HSPH1: variants seen among roughly 807,000 people sequenced by gnomAD.
HSPH1 encodes the protein heat shock protein 105 kDa.
HSPH1 carries 40 observed loss-of-function variants against 100.0 expected under a neutral mutation model. The ratio of observed to expected loss-of-function variants is 0.40; its 90% CI spans 0.31 to 0.52. The LOEUF (loss-of-function observed/expected upper bound fraction) is 0.52. HSPH1 is among the 20% of genes least tolerant of loss of function. HSPH1 has a pLI of 0.54. For missense variants in HSPH1, 876 were observed against 1,015.1 expected (o/e 0.86, Z 1.86); for synonymous variants, 403 against 344.0 (o/e 1.17, Z -1.90).
chr13:31,161,919 C>A, upstream of HSPH1: 6 of 1,516,342 alleles, frequency 4.0e-6, no homozygotes, highest in Non-Finnish European at 5.3e-6. Context: ...GGGGAGGTCC[C>A]ACTTCCTCAG....
Position 31,137,069 on chromosome 13 carries a change from G to A in HSPH1, c.*249C>T, listed in dbSNP as rs992450009. On this transcript the variant is annotated 3_prime_UTR_variant, in exon 18 of 18. Transcript: ENST00000320027. ...CAGTTTCATCCTCAGTGATGCAAATGGTGAGACTGCACAGAAAGCTTAGTA... is the reference window on the plus strand; with the variant it reads ...CAGTTTCATCCTCAGTGATGCAAATAGTGAGACTGCACAGAAAGCTTAGTA... The A allele has an allele frequency of 1.4e-5, 9 of 645,316 alleles. No individual in the cohort carries two copies. Among genetic ancestry groups the A allele is most frequent in the Middle Eastern group, 2.6e-4 (1 of 3,820 alleles). The allele number at this position is 645,316 out of a possible 1,614,324, so 40.0% of individuals were successfully genotyped here. A position where few individuals can be genotyped will look rare whatever the true frequency, so the allele number is the denominator to read the frequency against.
intron 1 of HSPH1, among the ~76,000 whole-genome samples, chr13:31,160,461 A>G (rs1956856547): frequency 6.6e-6 from 1 of 152,174 alleles, no homozygotes; most frequent in Non-Finnish European, 1.5e-5. Flanking sequence ...TTCATTTTGC[A>G]CTTTTCATCC....
intron 17 of HSPH1, among the ~76,000 whole-genome samples, chr13:31,137,773 A>G (rs1299873892): frequency 6.6e-6 from 1 of 152,172 alleles, no homozygotes; most frequent in Non-Finnish European, 1.5e-5. Context: ...AACAGTGTTA[A>G]AAGACAGAAA....
chr13:31,155,004 A>G (rs776494059), intron 3 of HSPH1, among the ~76,000 whole-genome samples: 15 of 152,216 alleles, frequency 9.9e-5, no homozygotes, highest in Non-Finnish European at 1.6e-4. Flanking sequence ...AGCGGAAGAA[A>G]GCTAGGGCAG....
Position 31,155,516 on chromosome 13 carries a change from T to C in HSPH1, c.304A>G (p.Lys102Glu). 1 of 1,608,866 alleles carries C rather than the reference T, an allele frequency of 6.2e-7. No homozygotes were observed. Reference protein sequence around the residue: ...VPLKNGGVGIKVMYMGEEHLF... With the variant: ...VPLKNGGVGIEVMYMGEEHLF... The stretch of plus-strand genomic sequence containing the variant: ...CTAAGGTTGCTCAATTATATTACCT[T>C]TATTCCAACTCCACCATTTTTCAAT... Residue 102 changes from lysine to glutamate, a missense_variant and splice_region_variant, in exon 3 of 18, where the codon AAG becomes GAG. Coordinates refer to ENST00000320027, the MANE Select transcript of HSPH1 (RefSeq NM_006644.4).
At position 31,141,177 on chromosome 13, in the gene HSPH1, G is replaced by A; in HGVS notation, c.1799C>T (p.Ala600Val). Residue 600 changes from alanine (A) to valine (V), a missense_variant, in exon 13 of 18, where the codon GCC becomes GTC. Ala to Val is a moderately conservative substitution (Grantham distance 64, BLOSUM62 0). Coordinates refer to ENST00000320027, the MANE Select transcript of HSPH1 (RefSeq NM_006644.4). ...KVVNVELPIEANLVWQLGKDL... is the reference protein window; with the variant it reads ...KVVNVELPIEVNLVWQLGKDL... ...TTTCCCTAACTGCCAGACCAAGTTG[G>A]CTTCAATAGGCAGCTCAACATTCAC... The A allele has an allele frequency of 6.2e-7, 1 of 1,608,658 alleles. No homozygotes were observed. The highest frequency in any genetic ancestry group is 1.1e-5 in the South Asian group (1 of 90,162).
intron 2 of HSPH1, 89 bp downstream of exon 2, chr13:31,158,717 C>A: frequency 2.5e-6 from 2 of 798,428 alleles, no homozygotes; most frequent in Non-Finnish European, 2.2e-6. Context: ...TAAACTTAGG[C>A]ACACTTTACC....
intron 10 of HSPH1, among the ~76,000 whole-genome samples, chr13:31,147,447 G>A (rs1466547218): frequency 6.6e-6 from 1 of 151,974 alleles, no homozygotes; most frequent in Non-Finnish European, 1.5e-5. Flanking sequence ...GAGTTACTAT[G>A]GGTAAAAGTA....
intron 4 of HSPH1, among the ~76,000 whole-genome samples, chr13:31,153,608 G>A (rs531410042): frequency 2.0e-5 from 3 of 152,230 alleles, no homozygotes; most frequent in East Asian, 3.9e-4. Flanking sequence ...CAGCACTTCA[G>A]GATACTATTC....
chr13:31,143,349 A>G (rs1055257447), intron 12 of HSPH1, among the ~76,000 whole-genome samples: 1 of 152,156 alleles, frequency 6.6e-6, no homozygotes, highest in African/African-American at 2.4e-5. Context: ...CCAGATCACC[A>G]TAATTAATTT....
intron 1 of HSPH1, among the ~76,000 whole-genome samples, chr13:31,159,599 GAGA>G (rs1956823097): frequency 6.6e-6 from 1 of 152,178 alleles, no homozygotes; most frequent in Non-Finnish European, 1.5e-5. Flanking sequence ...AAAGTCTTGT[GAGA>G]AGAAGGTAAG....
In HSPH1 at chr13:31,147,933, T is replaced by C. The variant is rs201012816; in HGVS notation, c.1378+26A>G. The C allele has an allele frequency of 1.3e-5, 20 of 1,550,264 alleles. No individual in the cohort carries two copies. In the Admixed American group the frequency reaches 1.8e-4, roughly 14 times the overall value. ...GAAGCTAAGTCTTTAACTAAAAGAG[T>C]AAAATATACACAATGAACTCCTTAC... On this transcript the variant is annotated intron_variant, in intron 10 of 17. Transcript: ENST00000320027.
At chr13:31,137,633 CATAAA>C (rs1244862281) in intron 17 of HSPH1, 109 bp from the exon 18 acceptor site, 5 of 742,022 alleles carry the variant, frequency 6.7e-6, no homozygotes, top group Non-Finnish European at 1.1e-5. Flanking sequence ...TCCAATTACA[CATAAA>C]ATAATTACAT....
At position 31,148,483 on chromosome 13, in the gene HSPH1, TAAAAA is replaced by T; in HGVS notation, c.1138-8_1138-4del. On this transcript the variant is annotated splice_polypyrimidine_tract_variant and splice_region_variant and intron_variant, in intron 8 of 17. Coordinates refer to ENST00000320027, the MANE Select transcript of HSPH1 (RefSeq NM_006644.4). ...AATGCCGGGGAAAGTATTGCACACT[TAAAAA>T]AAAAAAAAAAAATCATGAGCACATG... The T allele has an allele frequency of 5.6e-5, 55 of 984,794 alleles. No individual in the cohort carries two copies. Among genetic ancestry groups the T allele is most frequent in the South Asian group, 7.1e-5 (3 of 42,380 alleles). 61.0% of individuals were successfully genotyped at this position (984,794 alleles called of 1,614,324 possible). A position where few individuals can be genotyped will look rare whatever the true frequency, so the allele number is the denominator to read the frequency against.
At chr13:31,158,329 T>TCA (rs1956771602) in intron 2 of HSPH1, among the ~76,000 whole-genome samples, 1 of 152,026 alleles carries the variant, frequency 6.6e-6, no homozygotes, top group African/African-American at 2.4e-5. Context: ...GACAGATGGA[T>TCA]CACGAGCTCA....
Position 31,149,935 on chromosome 13 carries a change from A to C in HSPH1, c.1137+19T>G. ...GTTTAAAGACTGTACACCAAGCAAA[A>C]GCAGAGTTGAGAAAGTACCTGTAAT... is the stretch of plus-strand genomic sequence containing the variant. On this transcript the variant is annotated intron_variant, in intron 8 of 17. Coordinates refer to ENST00000320027, the MANE Select transcript of HSPH1 (RefSeq NM_006644.4). The C allele has an allele frequency of 1.9e-6, 3 of 1,594,806 alleles. No homozygotes were observed. The highest frequency in any genetic ancestry group is 2.6e-6 in the Non-Finnish European group (3 of 1,162,598).
chr13:31,152,750 T>G (rs1393770230), intron 5 of HSPH1, 102 bp downstream of exon 5: 2 of 794,692 alleles, frequency 2.5e-6, no homozygotes, highest in Non-Finnish European at 4.2e-6. Flanking sequence ...TGACTTGACT[T>G]TTTAACAGGC....
At chr13:31,140,384 G>A in intron 13 of HSPH1, 75 bp from the exon 14 acceptor site, 1 of 1,406,972 alleles carries the variant, frequency 7.1e-7, no homozygotes, top group South Asian at 1.4e-5. Context: ...TAGACTCTGG[G>A]GTTTAAAAAA....
intron 12 of HSPH1, among the ~76,000 whole-genome samples, chr13:31,142,258 C>G (rs1956123822): frequency 6.6e-6 from 1 of 152,056 alleles, no homozygotes; most frequent in South Asian, 2.1e-4. Flanking sequence ...GAAACTGGGT[C>G]TAGAAAGTTC....
Sources: gnomAD v4.1 joint callset for allele counts (sites outside exome capture counted in the v4.1 genomes callset) on GRCh38, gnomAD v4.1.1 for gene constraint, MANE v1.5 for transcripts, NCBI Gene and HGNC (gene_info 2026-07-23, HGNC 2026-07-21) for gene names.